PTPRD: variants seen among roughly 807,000 people sequenced by gnomAD.
PTPRD encodes the protein receptor-type tyrosine-protein phosphatase delta.
A neutral mutation model predicts 214.5 loss-of-function variants in PTPRD; 34 were observed. That is an observed-to-expected ratio of 0.16 (90% CI 0.12 to 0.21). The LOEUF (loss-of-function observed/expected upper bound fraction) is 0.21, where lower values mean the gene tolerates loss of function less well. Among genes scored for constraint, PTPRD ranks in the 10% least tolerant of loss-of-function variants. The probability of loss-of-function intolerance (pLI) is 1.00; values close to 1 mark genes in which losing one functional copy is unlikely to be tolerated. For missense variants in PTPRD, 2,545 were observed against 2,398.7 expected, an observed-to-expected ratio of 1.06 and a Z score of -1.27; for synonymous variants, 1,128 against 845.7, an observed-to-expected ratio of 1.33 and a Z score of -5.79.
At chr9:8,837,682 TG>T (rs576203606) in intron 11 of PTPRD, among the ~76,000 whole-genome samples, 95 of 151,878 alleles carry the variant, frequency 6.3e-4, no homozygotes, top group African/African-American at 2.2e-3. Flanking sequence ...TTTTATTTTT[TG>T]TAAAGGTGAG....
chr9:10,612,544 G>A (rs919675752), intron 1 of PTPRD, 39 bp from the exon 2 acceptor site: 27 of 152,358 alleles, frequency 1.8e-4, no homozygotes, highest in Admixed American at 1.6e-3. Context: ...AGCCCGTCAG[G>A]GTTTGGCTTT....
At chr9:9,685,070 G>A (rs949989212) in intron 7 of PTPRD, among the ~76,000 whole-genome samples, 2 of 151,338 alleles carry the variant, frequency 1.3e-5, no homozygotes, top group East Asian at 3.9e-4. Flanking sequence ...ACTTTTACAG[G>A]TGAATTTTTG....
At chr9:9,808,135 T>G (rs1046865079) in intron 5 of PTPRD, among the ~76,000 whole-genome samples, 1 of 152,326 alleles carries the variant, frequency 6.6e-6, no homozygotes, top group Admixed American at 6.5e-5. Context: ...TCTCTAATCC[T>G]TATGTTTGAA....
chr9:8,997,651 A>G (rs1308878956), intron 11 of PTPRD, among the ~76,000 whole-genome samples: 1 of 152,094 alleles, frequency 6.6e-6, no homozygotes, highest in African/African-American at 2.4e-5. Context: ...ATGGCCTCAA[A>G]GTGTTCAAGT....
chr9:9,872,202 A>T (rs1022459295), intron 5 of PTPRD, among the ~76,000 whole-genome samples: 2 of 152,192 alleles, frequency 1.3e-5, no homozygotes, highest in African/African-American at 2.4e-5. Flanking sequence ...TAGCATAATG[A>T]TTAAAAGTGT....
At chr9:9,874,883 T>G (rs2066427646) in intron 5 of PTPRD, among the ~76,000 whole-genome samples, 1 of 152,140 alleles carries the variant, frequency 6.6e-6, no homozygotes, top group Non-Finnish European at 1.5e-5. Context: ...GTCTGTAGGC[T>G]AGAAATATAA....
intron 2 of PTPRD, among the ~76,000 whole-genome samples, chr9:10,405,507 T>C (rs1377807217): frequency 5.5e-5 from 7 of 128,024 alleles, no homozygotes; most frequent in Non-Finnish European, 8.5e-5. Flanking sequence ...ATATAGAATA[T>C]GATTAATTCA....
At chr9:8,706,234 G>A (rs944995639) in intron 12 of PTPRD, among the ~76,000 whole-genome samples, 6 of 152,066 alleles carry the variant, frequency 3.9e-5, no homozygotes, top group South Asian at 2.1e-4. Context: ...AGCTTACTAC[G>A]GAAGTTCTTC....
At chr9:8,511,218 G>GC (rs2097674054) in intron 21 of PTPRD, among the ~76,000 whole-genome samples, 1 of 152,022 alleles carries the variant, frequency 6.6e-6, no homozygotes, top group African/African-American at 2.4e-5. Context: ...ACAGGTGTGT[G>GC]CCATAACACC....
chr9:9,589,410 T>C (rs904123499), intron 7 of PTPRD, among the ~76,000 whole-genome samples: 1 of 151,954 alleles, frequency 6.6e-6, no homozygotes, highest in Non-Finnish European at 1.5e-5. Context: ...TTCTCTTACA[T>C]ATTTCTTTAA....
intron 11 of PTPRD, among the ~76,000 whole-genome samples, chr9:8,813,662 C>T (rs946793386): frequency 1.1e-4 from 17 of 152,186 alleles, no homozygotes; most frequent in South Asian, 4.1e-4. Context: ...TACGAGCCAC[C>T]GCGCCGGGCC....
intron 2 of PTPRD, among the ~76,000 whole-genome samples, chr9:10,407,772 C>A (rs1457971743): frequency 1.3e-5 from 2 of 151,390 alleles, no homozygotes; most frequent in East Asian, 3.9e-4. Context: ...AGATTACCTG[C>A]TAGATTTCTA....
At chr9:9,317,255 A>G (rs1246612710) in intron 9 of PTPRD, among the ~76,000 whole-genome samples, 1 of 152,156 alleles carries the variant, frequency 6.6e-6, no homozygotes, top group Non-Finnish European at 1.5e-5. Context: ...GCTTCAACCT[A>G]TTACTATTTA....
At chr9:9,041,664 T>A (rs1380762426) in intron 10 of PTPRD, among the ~76,000 whole-genome samples, 1 of 152,136 alleles carries the variant, frequency 6.6e-6, no homozygotes, top group Non-Finnish European at 1.5e-5. Context: ...GTAAATACAT[T>A]CACAATTAGG....
chr9:10,115,134 C>T (rs140197524), intron 3 of PTPRD, among the ~76,000 whole-genome samples: 2 of 151,602 alleles, frequency 1.3e-5, no homozygotes, highest in African/African-American at 2.4e-5. Context: ...AGTAAAAATA[C>T]GAGGATTAAA....
intron 11 of PTPRD, among the ~76,000 whole-genome samples, chr9:8,885,169 G>A (rs10815986): frequency 0.17 from 25,260 of 152,118 alleles, 2,672 homozygotes; most frequent in Non-Finnish European, 0.23. Context: ...CCCATTTGGA[G>A]ACCCTACTCT....
At chr9:9,387,289 T>C (rs1449237457) in intron 9 of PTPRD, among the ~76,000 whole-genome samples, 2 of 152,222 alleles carry the variant, frequency 1.3e-5, no homozygotes, top group Non-Finnish European at 1.5e-5. Context: ...TTCAGATTTG[T>C]TGAGAGAATT....
chr9:9,002,172 G>A (rs1445434923), intron 11 of PTPRD, among the ~76,000 whole-genome samples: 1 of 151,832 alleles, frequency 6.6e-6, no homozygotes, highest in African/African-American at 2.4e-5. Context: ...TAGAAGATAG[G>A]ATATTTATCT....
chr9:9,444,673 T>A (rs1588609390), intron 8 of PTPRD, among the ~76,000 whole-genome samples: 1 of 152,112 alleles, frequency 6.6e-6, no homozygotes, highest in South Asian at 2.1e-4. Flanking sequence ...GGGGTAGGAG[T>A]TACAGGTAAT....
Sources: allele counts gnomAD v4.1 joint callset (sites outside exome capture counted in the v4.1 genomes callset), GRCh38; gene constraint gnomAD v4.1.1; transcripts MANE v1.5; gene names NCBI Gene and HGNC (gene_info 2026-07-23, HGNC 2026-07-21).